Variants in DDX60 observed in about 807,000 individuals in gnomAD.
DDX60 encodes DExD/H-box helicase 60.
A neutral mutation model predicts 212.8 loss-of-function variants in DDX60; 165 were observed. That is an observed-to-expected ratio of 0.78 (90% CI 0.68 to 0.88). The LOEUF (loss-of-function observed/expected upper bound fraction) is 0.88, where lower values mean the gene tolerates loss of function less well. DDX60 is among the 40% of genes least tolerant of loss of function. The pLI, the probability that DDX60 is intolerant of heterozygous loss-of-function variation, is 0.00. For missense variants in DDX60, 1,905 were observed against 2,003.9 expected, an observed-to-expected ratio of 0.95 and a Z score of 0.94; for synonymous variants, 703 against 685.3, an observed-to-expected ratio of 1.03 and a Z score of -0.40.
chr4:168,265,839 AG>A (rs1318969430), intron 22 of DDX60, among the ~76,000 whole-genome samples: 7 of 1,140 alleles, frequency 6.1e-3, no homozygotes, highest in African/African-American at 0.013. Flanking sequence ...GAGGGAAGGA[AG>A]GGAAGGGAAG....
chr4:168,220,488 C>A (rs142173805), intron 37 of DDX60, 167 bp downstream of exon 37: 1 of 495,166 alleles, frequency 2.0e-6, no homozygotes. Context: ...TAATACAACA[C>A]GTGTTGAACA....
Position 168,225,580 on chromosome 4 carries a change from A to T in DDX60, c.4630T>A (p.Ser1544Thr). 1 of 1,611,630 alleles carries T rather than the reference A, an allele frequency of 6.2e-7. No individual in the cohort carries two copies. Among genetic ancestry groups the T allele is most frequent in the Non-Finnish European group, 8.5e-7 (1 of 1,178,810 alleles). ...TCCTGATTCATATCAGCCAGTTTGG[A>T]AACAATTCGTAGGAAAGTGGTAAAG... ...EDFTTFLRIVSKLADMNQEYQ... is the reference protein window; with the variant it reads ...EDFTTFLRIVTKLADMNQEYQ... Residue 1544 changes from serine (S) to threonine (T), a missense_variant, in exon 34 of 38, where the codon TCC (serine) becomes ACC (threonine). Ser to Thr is a moderately conservative substitution (Grantham distance 58). Coordinates refer to ENST00000393743, the MANE Select transcript of DDX60 (RefSeq NM_017631.6).
chr4:168,237,078 A>G (rs1045632779), intron 32 of DDX60, among the ~76,000 whole-genome samples: 1 of 151,812 alleles, frequency 6.6e-6, no homozygotes, highest in African/African-American at 2.4e-5. Flanking sequence ...GGAGGTGTTG[A>G]CATTGTAAAT....
At position 168,301,338 on chromosome 4, in the gene DDX60, G is replaced by GGCAAATTTAGAAGTT. The variant is rs201879541; in HGVS notation, c.723+961_723+962insAACTTCTAAATTTGC. Among the ~76,000 whole-genome samples the GGCAAATTTAGAAGTT allele has an allele frequency of 7.8e-3, 1,192 of 152,170 alleles. 46 individuals are homozygous for GGCAAATTTAGAAGTT. In the East Asian group the frequency reaches 0.12, roughly 15 times the overall value. Reference sequence around the variant, plus strand: ...AGTTTTCAGATCTGAACTTCTAAATGCCTTCTTCCTTGGCAAAGTAGTTAA... The same window carrying GGCAAATTTAGAAGTT: ...AGTTTTCAGATCTGAACTTCTAAATGGCAAATTTAGAAGTTCCTTCTTCCTTGGCAAAGTAGTTAA... On this transcript the variant is annotated intron_variant, in intron 6 of 37. Transcript: ENST00000393743.
In DDX60 at chr4:168,283,342, A is replaced by G. The variant is rs1735675720; in HGVS notation, c.1722+104T>C. The stretch of plus-strand genomic sequence containing the variant: ...CAAAAATATATGCATATAAATATCA[A>G]GAAAAGGCATTATATAAAAAGAAAC... On this transcript the variant is annotated intron_variant, in intron 13 of 37. Coordinates refer to ENST00000393743, the MANE Select transcript of DDX60 (RefSeq NM_017631.6). 4 of 955,844 alleles carry G rather than the reference A, an allele frequency of 4.2e-6. No homozygotes were observed. In the East Asian group the frequency reaches 1.0e-4, roughly 25 times the overall value. 59.2% of individuals were successfully genotyped at this position (955,844 alleles called of 1,614,324 possible). A position where few individuals can be genotyped will look rare whatever the true frequency, so the allele number is the denominator to read the frequency against.
At chr4:168,246,295 C>T (rs1353207823) in intron 30 of DDX60, 123 bp downstream of exon 30, 2 of 1,149,190 alleles carry the variant, frequency 1.7e-6, no homozygotes, top group African/African-American at 3.1e-5. Context: ...CAAGACATTA[C>T]AAAACATTAA....
chr4:168,245,721 G>A (rs890825584), intron 30 of DDX60, among the ~76,000 whole-genome samples: 1 of 152,112 alleles, frequency 6.6e-6, no homozygotes, highest in Non-Finnish European at 1.5e-5. Flanking sequence ...CATTAACAAT[G>A]CATCTCCATA....
chr4:168,299,586 T>C (rs543714042), intron 6 of DDX60, among the ~76,000 whole-genome samples: 3 of 150,932 alleles, frequency 2.0e-5, no homozygotes, highest in South Asian at 2.1e-4. Context: ...ACCAAGAGAA[T>C]TCACAAATAC....
At chr4:168,297,071 C>T (rs1166461663) in intron 6 of DDX60, among the ~76,000 whole-genome samples, 6 of 151,444 alleles carry the variant, frequency 4.0e-5, no homozygotes, top group Non-Finnish European at 8.8e-5. Flanking sequence ...CCACCATGCC[C>T]GGCTAATTCT....
intron 3 of DDX60, among the ~76,000 whole-genome samples, chr4:168,308,679 T>C (rs1414087846): frequency 2.7e-5 from 4 of 148,398 alleles, no homozygotes; most frequent in African/African-American, 9.8e-5. Flanking sequence ...TATAATATTC[T>C]ATACTATATA....
At chr4:168,297,401 AAAGAC>A (rs1334780780) in intron 6 of DDX60, among the ~76,000 whole-genome samples, 2 of 150,530 alleles carry the variant, frequency 1.3e-5, no homozygotes, top group Non-Finnish European at 3.0e-5. Flanking sequence ...AGAAAGAAAG[AAAGAC>A]AATAAATAAT....
upstream of DDX60, among the ~76,000 whole-genome samples, chr4:168,319,428 A>G (rs930280007): frequency 6.6e-6 from 1 of 152,198 alleles, no homozygotes; most frequent in African/African-American, 2.4e-5. Flanking sequence ...CTTGTATGCA[A>G]AAAGAAAAAA....
chr4:168,317,514 G>C (rs957382959), intron 1 of DDX60, among the ~76,000 whole-genome samples: 10 of 152,122 alleles, frequency 6.6e-5, no homozygotes, highest in African/African-American at 2.4e-4. Flanking sequence ...CATGGATTCT[G>C]TATTGGAACA....
chr4:168,262,548 T>C, intron 23 of DDX60, 135 bp downstream of exon 23: 1 of 608,264 alleles, frequency 1.6e-6, no homozygotes, highest in Non-Finnish European at 2.9e-6. Flanking sequence ...GTTAGAAATA[T>C]GAGAAGAGGC....
At chr4:168,317,805 A>C (rs1737464746) in intron 1 of DDX60, among the ~76,000 whole-genome samples, 1 of 152,234 alleles carries the variant, frequency 6.6e-6, no homozygotes. Flanking sequence ...TGAGAAGGCC[A>C]CTGTAGCTAA....
At chr4:168,224,954 CT>C (rs369928956) in intron 34 of DDX60, among the ~76,000 whole-genome samples, 1 of 151,864 alleles carries the variant, frequency 6.6e-6, no homozygotes, top group African/African-American at 2.4e-5. Flanking sequence ...CATCTATTAG[CT>C]CATGAAAAAA....
At chr4:168,264,784 C>T (rs479184) in intron 22 of DDX60, among the ~76,000 whole-genome samples, 59,961 of 151,950 alleles carry the variant, frequency 0.39, 12,762 homozygotes, top group African/African-American at 0.58. Context: ...TTTAACAGTC[C>T]TATGCCTAAA....
At chr4:168,219,515 G>T (rs1732974786) in intron 37 of DDX60, among the ~76,000 whole-genome samples, 2 of 152,024 alleles carry the variant, frequency 1.3e-5, no homozygotes, top group African/African-American at 4.8e-5. Flanking sequence ...ACCCTATCTA[G>T]AGATATTCCA....
intron 13 of DDX60, 31 bp downstream of exon 13, chr4:168,283,412 ATTT>A (rs988862903): frequency 9.4e-6 from 15 of 1,596,708 alleles, no homozygotes; most frequent in Non-Finnish European, 1.3e-5. Flanking sequence ...GAAAAGGAAA[ATTT>A]TTTTAATTGG....
Sources: allele counts gnomAD v4.1 joint callset (sites outside exome capture counted in the v4.1 genomes callset), GRCh38; gene constraint gnomAD v4.1.1; transcripts MANE v1.5; gene names NCBI Gene and HGNC (gene_info 2026-07-23, HGNC 2026-07-21).